The following CHGA variants were observed in gnomAD, a reference collection of about 807,000 sequenced individuals.
The protein encoded by CHGA is chromogranin A.
In CHGA, 41 loss-of-function variants were observed where a neutral mutation model predicts 54.4. That is an observed-to-expected ratio of 0.75 (90% CI 0.59 to 0.98). CHGA has a LOEUF of 0.98. Ranked by LOEUF, CHGA falls within the 50% of genes least tolerant of loss-of-function variation. CHGA has a pLI of 0.00. For missense variants in CHGA, 576 were observed against 582.3 expected, an observed-to-expected ratio of 0.99 and a Z score of 0.11; for synonymous variants, 249 against 232.8, an observed-to-expected ratio of 1.07 and a Z score of -0.63.
intron 5 of CHGA, among the ~76,000 whole-genome samples, chr14:92,930,955 G>A (rs1886981453): frequency 6.6e-6 from 1 of 152,230 alleles, no homozygotes; most frequent in Non-Finnish European, 1.5e-5. Flanking sequence ...TCACACAGCT[G>A]ACATTAATTT....
At position 92,927,535 on chromosome 14, in the gene CHGA, TCTTC is replaced by T; in HGVS notation, c.188-14_188-11del. ...TTCTCTGGAAACCACCCATGATGAC[TCTTC>T]TTCATTGCAGATGAACGGATCCTTT... On this transcript the variant is annotated splice_polypyrimidine_tract_variant and intron_variant, in intron 3 of 7. Transcript: ENST00000216492. The T allele has an allele frequency of 6.2e-7, 1 of 1,609,728 alleles. No homozygotes were observed. Among genetic ancestry groups the T allele is most frequent in the Non-Finnish European group, 8.5e-7 (1 of 1,177,066 alleles).
rs372124916 is a variant in CHGA, at chr14:92,932,864, C to T, written c.1290+13C>T. The T allele has an allele frequency of 1.3e-4, 197 of 1,469,140 alleles. 1 individual carries two copies. Among genetic ancestry groups the T allele is most frequent in the Admixed American group, 4.5e-4 (18 of 39,632 alleles). 91.0% of individuals were successfully genotyped at this position (1,469,140 alleles called of 1,614,324 possible). A position where few individuals can be genotyped will look rare whatever the true frequency, so the allele number is the denominator to read the frequency against. ...CCGCAGACCAGAGGTTGGTATGGGGCGGGAGCCAGCTCTGTGCCAGGCCAC... is the reference window on the plus strand; with the variant it reads ...CCGCAGACCAGAGGTTGGTATGGGGTGGGAGCCAGCTCTGTGCCAGGCCAC... On this transcript the variant is annotated intron_variant, in intron 7 of 7. Coordinates refer to ENST00000216492, the MANE Select transcript of CHGA (RefSeq NM_001275.4). The surrounding 1 kb of genome is among the most constrained non-coding windows in gnomAD (Gnocchi z 5.3).
At chr14:92,933,449 C>T (rs1887054744) in intron 7 of CHGA, among the ~76,000 whole-genome samples, 1 of 152,142 alleles carries the variant, frequency 6.6e-6, no homozygotes, top group Non-Finnish European at 1.5e-5. Context: ...GATTGGAACA[C>T]ACAAAGGCTT....
At chr14:92,926,435 T>C in intron 2 of CHGA, 170 bp from the exon 3 acceptor site, 1 of 620,706 alleles carries the variant, frequency 1.6e-6, no homozygotes, top group Admixed American at 2.7e-5. Flanking sequence ...TTATCATTGC[T>C]ATCACTGTCT....
At chr14:92,924,421 C>T (rs2139666646) in intron 2 of CHGA, among the ~76,000 whole-genome samples, 176 bp downstream of exon 2, 1 of 152,340 alleles carries the variant, frequency 6.6e-6, no homozygotes, top group Middle Eastern at 3.4e-3. Context: ...TCCCTGCTGT[C>T]CTGCTGTGGG....
intron 1 of CHGA, among the ~76,000 whole-genome samples, chr14:92,923,704 G>A (rs916479102): frequency 1.3e-5 from 2 of 152,192 alleles, no homozygotes; most frequent in African/African-American, 4.8e-5. Flanking sequence ...CGCGGTGGCC[G>A]GCCAAGGTCA....
intron 1 of CHGA, 27 bp downstream of exon 1, chr14:92,923,432 A>G: frequency 8.0e-7 from 1 of 1,255,774 alleles, no homozygotes; most frequent in Non-Finnish European, 1.0e-6. Flanking sequence ...AGCTCGCGGG[A>G]GAGGGTTCCG....
Position 92,934,892 on chromosome 14 carries a change from G to T in CHGA, c.*8G>T. ...GCACTACGGCGGGGCTGAGACACCG[G>T]CTGGCAGGGCTGGCCCCAGGGCACC... On this transcript the variant is annotated 3_prime_UTR_variant, in exon 8 of 8. Transcript: ENST00000216492. 6.4e-7 allele frequency: 1 copy of T among 1,550,710 alleles called. No homozygotes were observed. Among genetic ancestry groups the T allele is most frequent in the Non-Finnish European group, 8.7e-7 (1 of 1,149,072 alleles).
rs1887095294 is a variant in CHGA at position 92,935,028 on chromosome 14, C to T, written c.*144C>T. The stretch of plus-strand genomic sequence containing the variant: ...TGCCCAAGCCCAGGCCACCCTATCG[C>T]CCCCTACGCGCCTTGTCTCCTACTC... On this transcript the variant is annotated 3_prime_UTR_variant, in exon 8 of 8. Transcript: ENST00000216492. The T allele has an allele frequency of 3.2e-6, 2 of 628,536 alleles. No homozygotes were observed. Among genetic ancestry groups the T allele is most frequent in the Admixed American group, 3.5e-5 (1 of 28,540 alleles). The allele number at this position is 628,536 out of a possible 1,614,324, so 38.9% of individuals were successfully genotyped here.
intron 4 of CHGA, among the ~76,000 whole-genome samples, chr14:92,927,875 C>T (rs528182716): frequency 2.1e-4 from 32 of 152,346 alleles, no homozygotes; most frequent in African/African-American, 6.3e-4. Flanking sequence ...TTCCCTAAAA[C>T]CCACGGCCTC....
rs780620616 is a variant in CHGA, at chr14:92,931,246, G to A, written c.356-4G>A. The A allele has an allele frequency of 4.4e-6, 7 of 1,605,256 alleles. No homozygotes were observed. Among genetic ancestry groups the A allele is most frequent in the South Asian group, 1.1e-5 (1 of 90,380 alleles). ...GGCCTGACTTGGCTGTGCTGTGTCTGCAGAGGCGGTGGAAGAGCCATCATC... is the reference window on the plus strand; with the variant it reads ...GGCCTGACTTGGCTGTGCTGTGTCTACAGAGGCGGTGGAAGAGCCATCATC... On this transcript the variant is annotated splice_polypyrimidine_tract_variant and splice_region_variant and intron_variant, in intron 5 of 7. Coordinates refer to ENST00000216492, the MANE Select transcript of CHGA (RefSeq NM_001275.4).
Position 92,932,499 on chromosome 14 carries a change from C to A in CHGA, c.938C>A (p.Pro313Gln). Residue 313 changes from proline to glutamine, a missense_variant, in exon 7 of 8, where the codon CCG (proline) becomes CAG (glutamine). Physicochemically the swap from Pro to Gln is moderately conservative, Grantham distance 76. Coordinates refer to ENST00000216492, the MANE Select transcript of CHGA (RefSeq NM_001275.4). The surrounding 1 kb of genome is among the most constrained non-coding windows in gnomAD (Gnocchi z 5.3). ...KEEEEEMAVVPQGLFRGGKSG... is the reference protein window; with the variant it reads ...KEEEEEMAVVQQGLFRGGKSG... Reference sequence around the variant, plus strand: ...GAGGAGGAGGAGATGGCAGTGGTCCCGCAAGGCCTCTTCCGGGGTGGGAAG... The same window carrying A: ...GAGGAGGAGGAGATGGCAGTGGTCCAGCAAGGCCTCTTCCGGGGTGGGAAG... The A allele has an allele frequency of 6.4e-7, 1 of 1,554,214 alleles. No homozygotes were observed.
chr14:92,929,779 G>C lies in CHGA; in HGVS notation c.319G>C (p.Val107Leu), dbSNP rs539889244. The change falls in exon 5 of 8, where the codon GTT (valine) becomes CTT (leucine). Residue 107 changes from valine (V) to leucine (L), a missense_variant. By Grantham distance (32) the Val-to-Leu change is conservative. Coordinates refer to ENST00000216492, the MANE Select transcript of CHGA (RefSeq NM_001275.4). Reference protein sequence around the residue: ...HSGFEDELSEVLENQSSQAEL... With the variant: ...HSGFEDELSELLENQSSQAEL... Reference sequence around the variant, plus strand: ...CGGTTTTGAAGATGAACTCTCAGAGGTTCTTGAGAACCAGAGCAGCCAGGC... The same window carrying C: ...CGGTTTTGAAGATGAACTCTCAGAGCTTCTTGAGAACCAGAGCAGCCAGGC... The C allele has an allele frequency of 6.2e-7, 1 of 1,613,348 alleles. No homozygotes were observed. The highest frequency in any genetic ancestry group is 8.5e-7 in the Non-Finnish European group (1 of 1,180,028).
At position 92,931,472 on chromosome 14, in the gene CHGA, A is replaced by G; in HGVS notation, c.578A>G (p.Lys193Arg). The G allele has an allele frequency of 2.5e-6, 4 of 1,611,620 alleles. No homozygotes were observed. The highest frequency in any genetic ancestry group is 3.4e-6 in the Non-Finnish European group (4 of 1,179,306). ...THPPASLPSQ[K>R]YPGPQAEGDS... is the part of the protein sequence containing the mutation. ...CCTCCAGCCAGCCTCCCCAGCCAGA[A>G]ATACCCAGGCCCACAGGCCGAGGGG... The change falls in exon 6 of 8, where the codon AAA (lysine) becomes AGA (arginine). Residue 193 changes from lysine (K) to arginine (R), a missense_variant. Lys to Arg is a conservative substitution (Grantham distance 26). Transcript: ENST00000216492.
intron 4 of CHGA, 76 bp from the exon 5 acceptor site, chr14:92,929,641 T>G (rs1347397313): frequency 1.5e-6 from 2 of 1,291,880 alleles, no homozygotes; most frequent in African/African-American, 2.9e-5. Context: ...GATGGGGAAA[T>G]GGAGGTCTTC....
chr14:92,923,861 CA>C (rs1385182168), intron 1 of CHGA, among the ~76,000 whole-genome samples: 2 of 151,992 alleles, frequency 1.3e-5, no homozygotes, highest in African/African-American at 4.8e-5. Context: ...CCGCCCCCCC[CA>C]CCTCTGGGGT....
intron 2 of CHGA, among the ~76,000 whole-genome samples, chr14:92,925,018 G>C (rs77834618): frequency 2.6e-5 from 4 of 152,268 alleles, no homozygotes; most frequent in Non-Finnish European, 4.4e-5. Flanking sequence ...AACCATCCAA[G>C]AGATTCCAAC....
Position 92,927,620 on chromosome 14 carries a change from T to G in CHGA, c.256+2T>G. ...AGCTCCAAGACCTCGCTCTCCAAGG[T>G]ATTTTCCAGCCACTGCACTTGACTC... is the stretch of plus-strand genomic sequence containing the variant. On this transcript the variant is annotated splice_donor_variant, in intron 4 of 7. Coordinates refer to ENST00000216492, the MANE Select transcript of CHGA (RefSeq NM_001275.4). LOFTEE classifies it high-confidence loss of function. 6.2e-7 allele frequency: 1 copy of G among 1,612,344 alleles called. No individual in the cohort carries two copies.
intron 2 of CHGA, 140 bp from the exon 3 acceptor site, chr14:92,926,465 T>TG: frequency 1.5e-6 from 1 of 668,180 alleles, no homozygotes; most frequent in East Asian, 2.7e-5. Flanking sequence ...AGCAGAGCTG[T>TG]GTCCCTGAGC....
Sources: gnomAD v4.1 joint callset for allele counts (sites outside exome capture counted in the v4.1 genomes callset) on GRCh38, gnomAD v4.1.1 for gene constraint, Gnocchi (gnomAD v3.1) non-coding constraint, MANE v1.5 for transcripts, NCBI Gene and HGNC (gene_info 2026-07-23, HGNC 2026-07-21) for gene names.